MARCHF1: variants seen among roughly 807,000 people sequenced by gnomAD.
MARCHF1 encodes the protein E3 ubiquitin-protein ligase MARCHF1.
A neutral mutation model predicts 54.2 loss-of-function variants in MARCHF1; 40 were observed. The observed-to-expected ratio is 0.74, with a 90% CI of 0.57 to 0.96. The LOEUF (loss-of-function observed/expected upper bound fraction) is 0.96, where lower values mean the gene tolerates loss of function less well. Ranked by LOEUF, MARCHF1 falls within the 40% of genes least tolerant of loss-of-function variation. MARCHF1 has a pLI of 0.00. For missense variants in MARCHF1, 586 were observed against 656.5 expected (o/e 0.89, Z 1.17); for synonymous variants, 236 against 236.3 (o/e 1.00, Z 0.01).
chr4:164,130,287 C>T (rs948084440), intron 1 of MARCHF1, among the ~76,000 whole-genome samples: 1 of 151,938 alleles, frequency 6.6e-6, no homozygotes, highest in African/African-American at 2.4e-5. Flanking sequence ...AATAATTATG[C>T]TTTGAAAATG....
chr4:164,208,514 A>G (rs190915072), intron 1 of MARCHF1, among the ~76,000 whole-genome samples: 3 of 152,308 alleles, frequency 2.0e-5, no homozygotes, highest in Admixed American at 2.0e-4. Context: ...TTATTTCCCA[A>G]AAAGAAGTAG....
intron 1 of MARCHF1, among the ~76,000 whole-genome samples, chr4:164,122,975 A>C (rs1560914987): frequency 6.6e-6 from 1 of 152,192 alleles, no homozygotes; most frequent in Non-Finnish European, 1.5e-5. Flanking sequence ...AAGAATTTCA[A>C]GAAAGAAATA....
intron 7 of MARCHF1, 88 bp downstream of exon 7, chr4:163,612,183 T>G: frequency 8.8e-7 from 1 of 1,138,684 alleles, no homozygotes; most frequent in Non-Finnish European, 1.2e-6. Flanking sequence ...AATGTTAAGT[T>G]TTGAGGGTAG....
intron 1 of MARCHF1, among the ~76,000 whole-genome samples, chr4:164,290,803 C>A (rs1176527557): frequency 6.6e-6 from 1 of 151,772 alleles, no homozygotes; most frequent in African/African-American, 2.4e-5. Context: ...ATATAAATAG[C>A]CTGTGAAGGA....
chr4:164,200,847 G>C (rs1157507782), intron 1 of MARCHF1, among the ~76,000 whole-genome samples: 1 of 152,168 alleles, frequency 6.6e-6, no homozygotes, highest in African/African-American at 2.4e-5. Flanking sequence ...CAGGTGAATG[G>C]TTGGAAGATC....
At chr4:164,111,274 C>T (rs1261399009) in intron 2 of MARCHF1, among the ~76,000 whole-genome samples, 1 of 151,570 alleles carries the variant, frequency 6.6e-6, no homozygotes, top group Admixed American at 6.6e-5. Flanking sequence ...CTATAATTAC[C>T]TATATATTTG....
intron 4 of MARCHF1, among the ~76,000 whole-genome samples, chr4:163,770,105 T>C (rs1481412822): frequency 5.3e-5 from 8 of 152,184 alleles, no homozygotes; most frequent in African/African-American, 1.7e-4. Flanking sequence ...GAATATGGTA[T>C]AAAATAATAA....
intron 1 of MARCHF1, among the ~76,000 whole-genome samples, chr4:164,158,642 AAATAAT>A (rs1730149017): frequency 6.6e-6 from 1 of 152,152 alleles, no homozygotes; most frequent in Non-Finnish European, 1.5e-5. Context: ...CTCCATCTCA[AAATAAT>A]AATAATAAAT....
chr4:163,845,005 G>T (rs1489532564), intron 4 of MARCHF1, among the ~76,000 whole-genome samples: 1 of 152,026 alleles, frequency 6.6e-6, no homozygotes. Flanking sequence ...TAGGACTCTG[G>T]GTTCCTGTTC....
chr4:163,961,892 T>C (rs1752351917), intron 3 of MARCHF1, among the ~76,000 whole-genome samples: 3 of 152,098 alleles, frequency 2.0e-5, no homozygotes, highest in South Asian at 4.1e-4. Flanking sequence ...TATTATTTTG[T>C]AGAAGAGTTT....
chr4:164,360,438 T>C (rs4133206), intron 1 of MARCHF1, among the ~76,000 whole-genome samples: 78,845 of 151,856 alleles, frequency 0.52, 21,396 homozygotes, highest in East Asian at 0.65. Context: ...GAGGGAGAAG[T>C]GGTTGGGAGA....
chr4:164,188,841 A>C (rs1274785954), intron 1 of MARCHF1: 5 of 787,450 alleles, frequency 6.3e-6, no homozygotes. Context: ...AAAATGCAAT[A>C]AACCGCTGAG....
At chr4:164,098,827 A>C (rs751679127) in intron 2 of MARCHF1, among the ~76,000 whole-genome samples, 4 of 152,182 alleles carry the variant, frequency 2.6e-5, no homozygotes, top group Non-Finnish European at 5.9e-5. Flanking sequence ...CTAGTAATGC[A>C]TTTAGACACA....
intron 1 of MARCHF1, among the ~76,000 whole-genome samples, chr4:164,332,212 A>G (rs2110807870): frequency 6.6e-6 from 1 of 152,292 alleles, no homozygotes; most frequent in Admixed American, 6.5e-5. Flanking sequence ...GCACACCCAG[A>G]GCTTACATAT....
At chr4:163,531,335 A>G (rs760328934) in intron 9 of MARCHF1, among the ~76,000 whole-genome samples, 2 of 151,946 alleles carry the variant, frequency 1.3e-5, no homozygotes, top group Non-Finnish European at 2.9e-5. Flanking sequence ...AGTTTCAGAA[A>G]TCAATGTAAT....
chr4:163,551,971 C>T lies in MARCHF1; in HGVS notation c.1192-6228G>A, dbSNP rs554208500. ...GTGCAAAAAGGGACTAATATAAGTC[C>T]CTTTACAGATAAGCATGTACATGAA... On this transcript the variant is annotated intron_variant, in intron 8 of 9. Transcript: ENST00000514618. Among the ~76,000 whole-genome samples, 11 of 152,084 alleles carry T rather than the reference C, an allele frequency of 7.2e-5. No individual in the cohort carries two copies. In the South Asian group the frequency reaches 2.3e-3, roughly 32 times the overall value.
chr4:164,075,437 G>A (rs975522593), intron 2 of MARCHF1, among the ~76,000 whole-genome samples: 11 of 152,104 alleles, frequency 7.2e-5, no homozygotes, highest in Admixed American at 4.6e-4. Context: ...ACCAAGAGAG[G>A]GATTCATCCA....
intron 5 of MARCHF1, among the ~76,000 whole-genome samples, chr4:163,618,527 T>C (rs1741584666): frequency 6.6e-6 from 1 of 152,140 alleles, no homozygotes; most frequent in African/African-American, 2.4e-5. Context: ...ATTTCCCTTT[T>C]CTCTGTCTTA....
At chr4:164,352,773 AATGTAAATGG>A (rs1730394452) in intron 1 of MARCHF1, among the ~76,000 whole-genome samples, 1 of 129,984 alleles carries the variant, frequency 7.7e-6, no homozygotes, top group Non-Finnish European at 1.7e-5. Flanking sequence ...ATTAACTTTA[AATGTAAATGG>A]ACTAAATGCT....
Sources: gnomAD v4.1 joint callset for allele counts (sites outside exome capture counted in the v4.1 genomes callset) on GRCh38, gnomAD v4.1.1 for gene constraint, MANE v1.5 for transcripts, NCBI Gene and HGNC (gene_info 2026-07-23, HGNC 2026-07-21) for gene names.